DENND2C: variants seen among roughly 807,000 people sequenced by gnomAD.
DENND2C encodes DENN domain-containing protein 2C.
A neutral mutation model predicts 112.4 loss-of-function variants in DENND2C; 72 were observed. The observed-to-expected ratio is 0.64, with a 90% CI of 0.53 to 0.78. The LOEUF (loss-of-function observed/expected upper bound fraction) is 0.78. Among genes scored for constraint, DENND2C ranks in the 30% least tolerant of loss-of-function variants. The probability of loss-of-function intolerance (pLI) is 0.00; values close to 1 mark genes in which losing one functional copy is unlikely to be tolerated. For missense variants in DENND2C, 992 were observed against 1,113.8 expected, an observed-to-expected ratio of 0.89 and a Z score of 1.56; for synonymous variants, 329 against 381.6, an observed-to-expected ratio of 0.86 and a Z score of 1.61.
chr1:114,657,502 G>A (rs1375591064), intron 1 of DENND2C, among the ~76,000 whole-genome samples: 8 of 152,186 alleles, frequency 5.3e-5, no homozygotes, highest in Non-Finnish European at 1.0e-4. Context: ...TACTATCAAT[G>A]TGTGGAATCA....
At chr1:114,664,374 A>G (rs1472070910) in intron 1 of DENND2C, among the ~76,000 whole-genome samples, 2 of 152,326 alleles carry the variant, frequency 1.3e-5, no homozygotes, top group East Asian at 3.9e-4. Context: ...ACACTTGGAT[A>G]GGCTGAGGCA....
intron 3 of DENND2C, among the ~76,000 whole-genome samples, chr1:114,635,111 C>A (rs1482964438): frequency 6.6e-6 from 1 of 151,422 alleles, no homozygotes; most frequent in East Asian, 1.9e-4. Flanking sequence ...TTTTAAATTT[C>A]TCTCTAGGTT....
chr1:114,648,407 G>C lies in DENND2C; in HGVS notation c.-316-2848C>G, dbSNP rs140431124. Among the ~76,000 whole-genome samples the C allele has an allele frequency of 5.2e-3, 795 of 152,270 alleles. 8 individuals carry two copies. Among genetic ancestry groups the C allele is most frequent in the African/African-American group, 0.018 (755 of 41,540 alleles). ...GGCCAAAACCAAAACAATAGGAGTC[G>C]AATACCCCCATATTCTAAGAAAAGT... On this transcript the variant is annotated intron_variant, in intron 2 of 20. Coordinates refer to ENST00000393274, the MANE Select transcript of DENND2C (RefSeq NM_001256404.2).
chr1:114,668,553 A>ACACACACC (rs372707000), intron 1 of DENND2C, among the ~76,000 whole-genome samples: 99 of 148,720 alleles, frequency 6.7e-4, no homozygotes, highest in African/African-American at 2.1e-3. Context: ...ACACACACAC[A>ACACACACC]CCCCAACTAA....
At chr1:114,659,110 A>G (rs145746781) in intron 1 of DENND2C, among the ~76,000 whole-genome samples, 1,657 of 152,274 alleles carry the variant, frequency 0.011, 23 homozygotes, top group Middle Eastern at 0.054. Context: ...TCTCTTCAGG[A>G]AAATAACAAC....
At chr1:114,597,361 T>G (rs1570758167) in intron 16 of DENND2C, among the ~76,000 whole-genome samples, 1 of 151,796 alleles carries the variant, frequency 6.6e-6, no homozygotes, top group Non-Finnish European at 1.5e-5. Context: ...GGAGAATCGC[T>G]TGAATCCAGG....
At position 114,623,785 on chromosome 1, in the gene DENND2C, GA is replaced by G. The variant is rs1656255466; in HGVS notation, c.807-143del. 13 of 741,456 alleles carry G rather than the reference GA, an allele frequency of 1.8e-5. No individual in the cohort carries two copies. In the East Asian group the frequency reaches 4.1e-4, roughly 23 times the overall value. 45.9% of individuals were successfully genotyped at this position (741,456 alleles called of 1,614,324 possible). Reference sequence around the variant, plus strand: ...GAATCTCAGTCTGTTGCATAGGCTAGAGTTCAGTGGCACAGTCTTGGCTCAC... The same window carrying G: ...GAATCTCAGTCTGTTGCATAGGCTAGGTTCAGTGGCACAGTCTTGGCTCAC... On this transcript the variant is annotated intron_variant, in intron 4 of 20. Transcript: ENST00000393274.
intron 1 of DENND2C, among the ~76,000 whole-genome samples, chr1:114,658,208 C>T (rs915884370): frequency 4.6e-5 from 7 of 152,034 alleles, no homozygotes; most frequent in African/African-American, 1.7e-4. Context: ...TGCAAGAATA[C>T]ACAGGTTCCC....
Position 114,626,302 on chromosome 1 carries a change from A to T in DENND2C, c.-204-114T>A, listed in dbSNP as rs1412588577. On this transcript the variant is annotated intron_variant, in intron 3 of 20. Coordinates refer to ENST00000393274, the MANE Select transcript of DENND2C (RefSeq NM_001256404.2). ...AATTCATATACATTGCATATGTAAA[A>T]ACATACCTGTAATCTATTAAGTAAT... 7 of 215,738 alleles carry T rather than the reference A, an allele frequency of 3.2e-5. No homozygotes were observed. The Admixed American group carries it at 3.6e-4, about 11-fold the overall frequency. 13.4% of individuals were successfully genotyped at this position (215,738 alleles called of 1,614,324 possible). A position where few individuals can be genotyped will look rare whatever the true frequency, so the allele number is the denominator to read the frequency against.
At chr1:114,595,907 G>A (rs1304198719) in intron 16 of DENND2C, 34 bp from the exon 17 acceptor site, 1 of 1,602,942 alleles carries the variant, frequency 6.2e-7, no homozygotes, top group Admixed American at 1.7e-5. Flanking sequence ...AGTTCAACCA[G>A]AGACATTCAC....
At chr1:114,649,028 C>A (rs866544368) in intron 2 of DENND2C, among the ~76,000 whole-genome samples, 1 of 151,694 alleles carries the variant, frequency 6.6e-6, no homozygotes, top group Middle Eastern at 3.4e-3. Context: ...GATCTTGGCT[C>A]ACTGCAACAT....
At chr1:114,607,748 TAATAATG>T (rs1307996424) in intron 10 of DENND2C, among the ~76,000 whole-genome samples, 2 of 152,196 alleles carry the variant, frequency 1.3e-5, no homozygotes, top group African/African-American at 2.4e-5. Flanking sequence ...TTATTGTTAA[TAATAATG>T]GCTACCAAAA....
intron 1 of DENND2C, among the ~76,000 whole-genome samples, chr1:114,666,598 G>A (rs1657654700): frequency 6.6e-6 from 1 of 152,080 alleles, no homozygotes; most frequent in Non-Finnish European, 1.5e-5. Context: ...TGGGATTACA[G>A]GCACACGCCA....
chr1:114,585,431 T>C lies in DENND2C; in HGVS notation c.*169A>G. 1 of 657,664 alleles carries C rather than the reference T, an allele frequency of 1.5e-6. No individual in the cohort carries two copies. The highest frequency in any genetic ancestry group is 2.6e-6 in the Non-Finnish European group (1 of 381,376). The allele number at this position is 657,664 out of a possible 1,614,324, so 40.7% of individuals were successfully genotyped here. A position where few individuals can be genotyped will look rare whatever the true frequency, so the allele number is the denominator to read the frequency against. On this transcript the variant is annotated 3_prime_UTR_variant, in exon 21 of 21. Transcript: ENST00000393274. Reference sequence around the variant, plus strand: ...CAGACCATTCCCAACAATTCTCCAGTGATTACTACAGCAGCAACAGGAGAA... The same window carrying C: ...CAGACCATTCCCAACAATTCTCCAGCGATTACTACAGCAGCAACAGGAGAA...
intron 4 of DENND2C, among the ~76,000 whole-genome samples, chr1:114,624,442 T>G (rs1315234873): frequency 6.7e-6 from 1 of 148,544 alleles, no homozygotes; most frequent in Non-Finnish European, 1.5e-5. Context: ...AACACATCAC[T>G]ACACCTGGCT....
At chr1:114,662,798 G>C (rs1456994343) in intron 1 of DENND2C, among the ~76,000 whole-genome samples, 1 of 152,006 alleles carries the variant, frequency 6.6e-6, no homozygotes, top group Non-Finnish European at 1.5e-5. Context: ...TCTACAAAAA[G>C]TTTTTTAAAA....
intron 9 of DENND2C, among the ~76,000 whole-genome samples, 157 bp from the exon 10 acceptor site, chr1:114,609,030 C>T (rs115787326): frequency 0.026 from 4,014 of 152,298 alleles, 95 homozygotes; most frequent in Non-Finnish European, 0.034. Context: ...CCTGTTAAGG[C>T]TGTGACATAC....
At chr1:114,656,511 C>T (rs1657332962) in intron 1 of DENND2C, among the ~76,000 whole-genome samples, 1 of 151,790 alleles carries the variant, frequency 6.6e-6, no homozygotes, top group African/African-American at 2.4e-5. Flanking sequence ...ATTCTCCTGC[C>T]TCAGCCTCTC....
intron 18 of DENND2C, among the ~76,000 whole-genome samples, chr1:114,591,257 A>G (rs1655182087): frequency 6.6e-6 from 1 of 152,174 alleles, no homozygotes; most frequent in Admixed American, 6.5e-5. Flanking sequence ...TATGAACCAC[A>G]GTGCCTGGAC....
Sources: allele counts gnomAD v4.1 joint callset (sites outside exome capture counted in the v4.1 genomes callset), GRCh38; gene constraint gnomAD v4.1.1; transcripts MANE v1.5; gene names NCBI Gene and HGNC (gene_info 2026-07-23, HGNC 2026-07-21).